Variants in FGD6 observed in about 807,000 individuals in gnomAD.
The protein encoded by FGD6 is FYVE, RhoGEF and PH domain-containing protein 6.
FGD6 carries 90 observed loss-of-function variants against 149.4 expected under a neutral mutation model. The observed-to-expected ratio is 0.60, with a 90% CI of 0.51 to 0.72. The LOEUF (loss-of-function observed/expected upper bound fraction) is 0.72. Ranked by LOEUF, FGD6 falls within the 30% of genes least tolerant of loss-of-function variation. The pLI is 0.00. For synonymous variants in FGD6, 527 were observed against 584.0 expected (o/e 0.90, Z 1.41); for missense variants, 1,437 against 1,684.8 (o/e 0.85, Z 2.57).
In FGD6 at chr12:95,089,694, G is replaced by A. The variant is rs1251488918; in HGVS notation, c.3853C>T (p.His1285Tyr). ...HCFQELQKLD[H>Y]QHSPRIGSPG... Reference sequence around the variant, plus strand: ...GATCCAATCCTAGGGGAGTGCTGGTGATCTAGAACAAATCAGGCATGCTTA... The same window carrying A: ...GATCCAATCCTAGGGGAGTGCTGGTAATCTAGAACAAATCAGGCATGCTTA... Residue 1285 changes from histidine (H) to tyrosine (Y), a missense_variant and splice_region_variant, in exon 18 of 21, where the codon CAC (histidine) becomes TAC (tyrosine). By Grantham distance (83) the His-to-Tyr change is moderately conservative. Transcript: ENST00000343958. The A allele has an allele frequency of 6.2e-7, 1 of 1,613,196 alleles. No individual in the cohort carries two copies. The highest frequency in any genetic ancestry group is 1.7e-5 in the Admixed American group (1 of 59,936).
intron 20 of FGD6, among the ~76,000 whole-genome samples, chr12:95,082,999 A>AT: frequency 1.6e-5 from 1 of 63,592 alleles, no homozygotes; most frequent in Non-Finnish European, 3.2e-5. Flanking sequence ...AAAAAAAAAA[A>AT]AAAAAAAAAA....
In FGD6 at chr12:95,209,720, T is replaced by C. The variant is rs1174146997; in HGVS notation, c.1564A>G (p.Ser522Gly). 7 of 1,614,002 alleles carry C rather than the reference T, an allele frequency of 4.3e-6. No individual in the cohort carries two copies. Among genetic ancestry groups the C allele is most frequent in the Admixed American group, 1.7e-5 (1 of 59,986 alleles). ...TTTTCTTCACTTGAAGGATAAGAAC[T>C]TTTTTCCAAAAGCTCCTCGGAGGCA... ...KAASEELLEK[S>G]SYPSSEEKSS... The change falls in exon 2 of 21, where the codon AGT becomes GGT. Residue 522 changes from serine to glycine, a missense_variant. This residue lies in a region of FGD6 where 1,055 missense variants were observed against 1,146.0 expected (regional missense o/e 0.92). Transcript: ENST00000343958.
At chr12:95,100,777 G>T in intron 14 of FGD6, 1 of 465,300 alleles carries the variant, frequency 2.1e-6, no homozygotes, top group South Asian at 1.7e-5. Flanking sequence ...CAATAGTGAT[G>T]AGCGAACAGA....
At chr12:95,201,955 T>TAC (rs71078621) in intron 2 of FGD6, among the ~76,000 whole-genome samples, 6,474 of 146,458 alleles carry the variant, frequency 0.044, 147 homozygotes, top group Non-Finnish European at 0.063. Flanking sequence ...CAGGACAGAA[T>TAC]ACACACACAC....
chr12:95,163,737 T>C (rs1880713621), intron 3 of FGD6, among the ~76,000 whole-genome samples: 1 of 152,178 alleles, frequency 6.6e-6, no homozygotes, highest in African/African-American at 2.4e-5. Flanking sequence ...CTTTTCCAAT[T>C]CTAAGGTTCT....
At chr12:95,162,504 G>A (rs959623451) in intron 3 of FGD6, among the ~76,000 whole-genome samples, 1 of 152,124 alleles carries the variant, frequency 6.6e-6, no homozygotes, top group African/African-American at 2.4e-5. Context: ...TCTCCAGCCT[G>A]GGTGACAGAG....
At chr12:95,184,581 GTT>G (rs35725583) in intron 2 of FGD6, among the ~76,000 whole-genome samples, 182 of 132,044 alleles carry the variant, frequency 1.4e-3, no homozygotes, top group Admixed American at 2.1e-3. Context: ...CTTCCTGCAC[GTT>G]TTTTTTTTTT....
intron 3 of FGD6, among the ~76,000 whole-genome samples, chr12:95,167,710 G>A (rs1880863501): frequency 6.6e-6 from 1 of 151,660 alleles, no homozygotes; most frequent in South Asian, 2.1e-4. Flanking sequence ...GAGTAGCTAG[G>A]ATTACAGGCA....
At chr12:95,139,343 G>A (rs1199072968) in intron 6 of FGD6, among the ~76,000 whole-genome samples, 1 of 151,872 alleles carries the variant, frequency 6.6e-6, no homozygotes, top group Admixed American at 6.6e-5. Context: ...GGGTGGGTGA[G>A]GTGGAAGGAT....
At chr12:95,100,904 AT>A in intron 14 of FGD6, 1 of 363,744 alleles carries the variant, frequency 2.7e-6, no homozygotes, top group South Asian at 2.5e-5. Context: ...TATGGTGTTT[AT>A]TTTTGCTCCT....
At chr12:95,097,148 C>CATTT (rs913962914) in intron 14 of FGD6, among the ~76,000 whole-genome samples, 19 of 152,354 alleles carry the variant, frequency 1.2e-4, no homozygotes, top group African/African-American at 4.6e-4. Flanking sequence ...AGACCACACA[C>CATTT]ATTTGCCCGC....
chr12:95,117,090 TAAC>T (rs989662773), intron 8 of FGD6: 23 of 267,112 alleles, frequency 8.6e-5, no homozygotes, highest in African/African-American at 3.8e-4. Flanking sequence ...GCTTTCCTAA[TAAC>T]AACGAGGAGA....
In FGD6 at chr12:95,079,780, T is replaced by C. The variant is rs1198091521; in HGVS notation, c.*1740A>G. On this transcript the variant is annotated 3_prime_UTR_variant, in exon 21 of 21. Coordinates refer to ENST00000343958, the MANE Select transcript of FGD6 (RefSeq NM_018351.4). The stretch of plus-strand genomic sequence containing the variant: ...AGCCAACTCTAGATCTAGTAGGGAC[T>C]CTGGTGCTGTACCAAACAGCATTCA... The C allele has an allele frequency of 6.6e-6, 1 of 152,084 alleles. No homozygotes were observed. The highest frequency in any genetic ancestry group is 1.5e-5 in the Non-Finnish European group (1 of 68,026). 9.4% of individuals were successfully genotyped at this position (152,084 alleles called of 1,614,324 possible).
intron 2 of FGD6, among the ~76,000 whole-genome samples, chr12:95,202,366 G>A (rs575562342): frequency 2.6e-5 from 3 of 116,092 alleles, no homozygotes; most frequent in East Asian, 4.2e-4. Flanking sequence ...CAGCCTGGGC[G>A]ACACAGTGAG....
intron 8 of FGD6, among the ~76,000 whole-genome samples, chr12:95,118,336 G>A (rs973131031): frequency 7.3e-5 from 10 of 137,440 alleles, no homozygotes; most frequent in Admixed American, 2.4e-4. Context: ...ATGACAGAGC[G>A]AGACTCTGTC....
In FGD6 at chr12:95,209,966, C is replaced by T; in HGVS notation, c.1318G>A (p.Val440Met). Residue 440 changes from valine to methionine, a missense_variant, in exon 2 of 21, where the codon GTG becomes ATG. Val to Met is a conservative substitution (Grantham distance 21). This residue lies in a region of FGD6 where 1,055 missense variants were observed against 1,146.0 expected (regional missense o/e 0.92). Coordinates refer to ENST00000343958, the MANE Select transcript of FGD6 (RefSeq NM_018351.4). ...TVDGSSMSLA[V>M]DEGTGFIRCT... ...CTTATAAAACCGGTCCCTTCGTCCA[C>T]AGCAAGCGACATACTAGAACCATCT... The T allele has an allele frequency of 6.2e-7, 1 of 1,612,004 alleles. No individual in the cohort carries two copies.
At chr12:95,199,730 G>T (rs557655566) in intron 2 of FGD6, among the ~76,000 whole-genome samples, 1 of 150,140 alleles carries the variant, frequency 6.7e-6, no homozygotes. Flanking sequence ...TCAGCCTCCT[G>T]AGTAGCTGGG....
At chr12:95,148,503 T>C (rs1480850679) in intron 5 of FGD6, among the ~76,000 whole-genome samples, 2 of 118,910 alleles carry the variant, frequency 1.7e-5, no homozygotes, top group Admixed American at 2.0e-4. Flanking sequence ...TAATATAATA[T>C]ATAGCATATA....
Position 95,084,489 on chromosome 12 carries a change from A to G in FGD6, c.4256+9T>C. The G allele has an allele frequency of 6.5e-7, 1 of 1,528,234 alleles. No individual in the cohort carries two copies. Among genetic ancestry groups the G allele is most frequent in the East Asian group, 2.4e-5 (1 of 41,362 alleles). 94.7% of individuals were successfully genotyped at this position (1,528,234 alleles called of 1,614,324 possible). On this transcript the variant is annotated intron_variant, in intron 20 of 20. Coordinates refer to ENST00000343958, the MANE Select transcript of FGD6 (RefSeq NM_018351.4). ...ATGAATAAAAGAAAAATATGGCCAG[A>G]TTACTTACTTCTGAGCCGAATGAGC...
Sources: allele counts gnomAD v4.1 joint callset (sites outside exome capture counted in the v4.1 genomes callset), GRCh38; gene constraint gnomAD v4.1.1; regional missense constraint gnomAD v4.1.1; transcripts MANE v1.5; gene names NCBI Gene and HGNC (gene_info 2026-07-23, HGNC 2026-07-21).